GSDMC: variants seen among roughly 807,000 people sequenced by gnomAD.
The protein encoded by GSDMC is gasdermin C.
GSDMC carries 59 observed loss-of-function variants against 58.0 expected under a neutral mutation model. That is an observed-to-expected ratio of 1.02 (90% CI 0.82 to 1.26). The LOEUF is 1.26. Among genes scored for constraint, GSDMC ranks in the 50% most tolerant of loss-of-function variants. GSDMC has a pLI of 0.00. For synonymous variants in GSDMC, 241 were observed against 220.2 expected, an observed-to-expected ratio of 1.09 and a Z score of -0.83; for missense variants, 659 against 598.5, an observed-to-expected ratio of 1.10 and a Z score of -1.06.
At chr8:129,737,466 G>T in the GSDMC span, among the ~76,000 whole-genome samples, 6 of 152,192 alleles carry the variant, frequency 3.9e-5, no homozygotes, top group African/African-American at 1.4e-4. Context: ...GAACAGAAAA[G>T]AGCCCTCAGA....
chr8:129,767,989 G>A (rs1563804743), intron 3 of GSDMC, among the ~76,000 whole-genome samples: 1 of 151,958 alleles, frequency 6.6e-6, no homozygotes, highest in East Asian at 1.9e-4. Flanking sequence ...CACAAAGCCA[G>A]TCAAAATCCC....
At chr8:129,730,335 G>T in the GSDMC span, 1 of 1,339,870 alleles carries the variant, frequency 7.5e-7, no homozygotes, top group African/African-American at 1.5e-5. Flanking sequence ...GTCACTGCAT[G>T]ATCTTGAAAC....
At chr8:129,754,258 G>A (rs1215350035) in intron 6 of GSDMC, among the ~76,000 whole-genome samples, 1 of 152,140 alleles carries the variant, frequency 6.6e-6, no homozygotes, top group Non-Finnish European at 1.5e-5. Context: ...GGCCACAGGG[G>A]TGCTTGCATC....
chr8:129,782,664 A>C (rs1443213058), intron 1 of GSDMC, among the ~76,000 whole-genome samples: 1 of 152,158 alleles, frequency 6.6e-6, no homozygotes, highest in Non-Finnish European at 1.5e-5. Flanking sequence ...ACCTTGAAGA[A>C]ATCCAAAACC....
the GSDMC span, among the ~76,000 whole-genome samples, chr8:129,721,104 A>T: frequency 6.6e-5 from 10 of 152,326 alleles, no homozygotes; most frequent in Middle Eastern, 3.4e-3. Flanking sequence ...TTCTTCCTGA[A>T]TCCTAAACCT....
intron 3 of GSDMC, among the ~76,000 whole-genome samples, chr8:129,766,172 T>C (rs2130475194): frequency 6.6e-6 from 1 of 152,270 alleles, no homozygotes; most frequent in South Asian, 2.1e-4. Context: ...TTGTCAAAGC[T>C]GGGTATTCAC....
At chr8:129,733,345 G>T in the GSDMC span, among the ~76,000 whole-genome samples, 1 of 152,238 alleles carries the variant, frequency 6.6e-6, no homozygotes, top group African/African-American at 2.4e-5. Context: ...TCTGAGAATG[G>T]AAAGACTGCC....
chr8:129,709,170 CTTCTT>C, the GSDMC span, among the ~76,000 whole-genome samples: 1 of 114,828 alleles, frequency 8.7e-6, no homozygotes, highest in Non-Finnish European at 1.6e-5. Context: ...TGAATTCCCC[CTTCTT>C]TTTTTTTTTT....
At chr8:129,714,200 C>A in the GSDMC span, among the ~76,000 whole-genome samples, 1 of 152,290 alleles carries the variant, frequency 6.6e-6, no homozygotes, top group South Asian at 2.1e-4. Context: ...AAAGCCCACT[C>A]TCAGGTAAAG....
the GSDMC span, among the ~76,000 whole-genome samples, chr8:129,710,622 T>C: frequency 2.0e-5 from 3 of 152,188 alleles, no homozygotes; most frequent in Non-Finnish European, 2.9e-5. Context: ...TGTTCTTATC[T>C]TGAGAAGAAT....
intron 3 of GSDMC, among the ~76,000 whole-genome samples, chr8:129,769,562 T>C (rs10956493): frequency 0.19 from 29,186 of 151,962 alleles, 2,885 homozygotes; most frequent in African/African-American, 0.22. Flanking sequence ...AGCAAACACA[T>C]GAGACAAAGA....
intron 1 of GSDMC, among the ~76,000 whole-genome samples, chr8:129,779,591 A>G (rs1252025667): frequency 6.6e-6 from 1 of 152,052 alleles, no homozygotes; most frequent in Non-Finnish European, 1.5e-5. Flanking sequence ...AAACCTACAC[A>G]TGTACCCCTG....
chr8:129,772,128 G>T (rs902686100), intron 3 of GSDMC, among the ~76,000 whole-genome samples: 1 of 152,220 alleles, frequency 6.6e-6, no homozygotes, highest in Admixed American at 6.5e-5. Context: ...GGGCATGGTG[G>T]CAGGCGCCTG....
chr8:129,755,015 G>A (rs1484504652), intron 6 of GSDMC, among the ~76,000 whole-genome samples: 1 of 152,038 alleles, frequency 6.6e-6, no homozygotes, highest in Non-Finnish European at 1.5e-5. Flanking sequence ...CCTTAAAGAG[G>A]ACACAGAGAA....
the GSDMC span, among the ~76,000 whole-genome samples, chr8:129,734,755 T>A: frequency 6.6e-6 from 1 of 152,262 alleles, no homozygotes; most frequent in Middle Eastern, 3.4e-3. Context: ...CTGCATCAAC[T>A]AACAAGCAAA....
the GSDMC span, chr8:129,730,120 A>G: frequency 2.0e-6 from 2 of 986,116 alleles, no homozygotes; most frequent in Non-Finnish European, 2.9e-6. Context: ...GTGTTTCTGA[A>G]TGCCAACAAG....
intron 6 of GSDMC, among the ~76,000 whole-genome samples, chr8:129,756,447 G>A (rs929801874): frequency 6.6e-6 from 1 of 152,016 alleles, no homozygotes; most frequent in Non-Finnish European, 1.5e-5. Flanking sequence ...TAAAGAGACA[G>A]TAATAGGTGG....
chr8:129,743,462 T>C (rs2032905574), downstream of GSDMC, among the ~76,000 whole-genome samples: 1 of 152,208 alleles, frequency 6.6e-6, no homozygotes, highest in Non-Finnish European at 1.5e-5. Flanking sequence ...TCAATAGGCT[T>C]CTGTTTTCTT....
chr8:129,710,302 G>A, the GSDMC span, among the ~76,000 whole-genome samples: 5 of 152,284 alleles, frequency 3.3e-5, no homozygotes, highest in African/African-American at 4.8e-5. Flanking sequence ...AAATGGGCAC[G>A]TACCCAAAAC....
Sources: gnomAD v4.1 joint callset for allele counts (sites outside exome capture counted in the v4.1 genomes callset) on GRCh38, gnomAD v4.1.1 for gene constraint, MANE v1.5 for transcripts, NCBI Gene and HGNC (gene_info 2026-07-23, HGNC 2026-07-21) for gene names.